The following MEIOB variants were observed in gnomAD, a reference collection of about 807,000 sequenced individuals.
MEIOB encodes meiosis specific with OB-fold.
Under a neutral mutation model 53.1 loss-of-function variants are expected in MEIOB, and 50 were observed. The ratio of observed to expected loss-of-function variants is 0.94; its 90% CI spans 0.75 to 1.19. The LOEUF (loss-of-function observed/expected upper bound fraction) is 1.19, where lower values mean the gene tolerates loss of function less well. Ranked by LOEUF, MEIOB falls within the 50% of genes most tolerant of loss-of-function variation. The pLI is 0.00. For synonymous variants in MEIOB, 192 were observed against 182.5 expected (o/e 1.05, Z -0.42); for missense variants, 551 against 550.8 (o/e 1.00, Z 0.00).
Position 1,862,115 on chromosome 16 carries a change from A to T in MEIOB, c.129T>A (p.Asn43Lys), listed in dbSNP as rs1899458881. The T allele has an allele frequency of 6.5e-7, 1 of 1,548,692 alleles. No homozygotes were observed. The highest frequency in any genetic ancestry group is 8.7e-7 in the Non-Finnish European group (1 of 1,145,840). ...TDVKGFPDRKNIGSERYTFSF... is the reference protein window; with the variant it reads ...TDVKGFPDRKKIGSERYTFSF... ...TGAAAGTGTACCTTTCTGATCCAAT[A>T]TCTAAGGGAAAACCAATGCTTTTAT... The change falls in exon 4 of 14, where the codon AAT becomes AAA. Residue 43 changes from asparagine (N) to lysine (K), a missense_variant and splice_region_variant. Coordinates refer to ENST00000325962, the MANE Select transcript of MEIOB (RefSeq NM_001163560.3).
At chr16:1,866,052 C>A (rs1002035766) in intron 2 of MEIOB, among the ~76,000 whole-genome samples, 1 of 152,160 alleles carries the variant, frequency 6.6e-6, no homozygotes, top group African/African-American at 2.4e-5. Flanking sequence ...ACTACTATTA[C>A]AAATATAATC....
At position 1,868,110 on chromosome 16, in the gene MEIOB, AT is replaced by A; in HGVS notation, c.65del (p.Asn22IlefsTer2). ...TCACCACATTATTGAAACCTACCAGATTAGCCATATTTGTCTGCAGATCTGA... is the reference window on the plus strand; with the variant it reads ...TCACCACATTATTGAAACCTACCAGATAGCCATATTTGTCTGCAGATCTGA... ...TLSDLQTNMA[N>X]LKVIGIVIGK... On this transcript the variant is annotated frameshift_variant, in exon 2 of 14. Transcript: ENST00000325962. LOFTEE classifies it high-confidence loss of function. The A allele has an allele frequency of 6.6e-7, 1 of 1,509,096 alleles. No homozygotes were observed. The highest frequency in any genetic ancestry group is 9.0e-7 in the Non-Finnish European group (1 of 1,111,990). The allele number at this position is 1,509,096 out of a possible 1,614,324, so 93.5% of individuals were successfully genotyped here. A position where few individuals can be genotyped will look rare whatever the true frequency, so the allele number is the denominator to read the frequency against.
chr16:1,862,777 G>A (rs943320829), intron 3 of MEIOB, among the ~76,000 whole-genome samples: 15 of 152,084 alleles, frequency 9.9e-5, no homozygotes, highest in Admixed American at 3.9e-4. Context: ...ACTTAGCCAG[G>A]CGTGGTGGTG....
intron 1 of MEIOB, among the ~76,000 whole-genome samples, chr16:1,870,164 G>A (rs1899704359): frequency 6.6e-6 from 1 of 152,182 alleles, no homozygotes; most frequent in Non-Finnish European, 1.5e-5. Context: ...GAGCCACTGA[G>A]CCCAGCCCGG....
At chr16:1,867,462 A>ATTTTTTTTTTT (rs869208139) in intron 2 of MEIOB, among the ~76,000 whole-genome samples, 2 of 102,930 alleles carry the variant, frequency 1.9e-5, no homozygotes, top group Non-Finnish European at 3.6e-5. Flanking sequence ...AAATGGTTTA[A>ATTTTTTTTTTT]TTTTTTTTTT....
At chr16:1,844,205 C>T (rs1898979503) in intron 10 of MEIOB, among the ~76,000 whole-genome samples, 2 of 151,100 alleles carry the variant, frequency 1.3e-5, no homozygotes, top group East Asian at 3.9e-4. Flanking sequence ...TCACTGCAAC[C>T]TCCGCCTCCT....
chr16:1,854,902 G>A (rs370412735), intron 6 of MEIOB, among the ~76,000 whole-genome samples: 3 of 151,794 alleles, frequency 2.0e-5, no homozygotes, highest in East Asian at 1.9e-4. Context: ...ATGTGGGAAC[G>A]GCAGGCACCT....
chr16:1,855,024 G>A (rs1261746616), intron 6 of MEIOB, among the ~76,000 whole-genome samples: 1 of 152,162 alleles, frequency 6.6e-6, no homozygotes, highest in Non-Finnish European at 1.5e-5. Flanking sequence ...GACAGCCAGA[G>A]GCTGAGAGGT....
intron 5 of MEIOB, among the ~76,000 whole-genome samples, chr16:1,858,521 C>T (rs1231894283): frequency 6.6e-6 from 1 of 152,160 alleles, no homozygotes; most frequent in African/African-American, 2.4e-5. Flanking sequence ...TCTCCCAAGC[C>T]ACTGCCTTGC....
intron 9 of MEIOB, among the ~76,000 whole-genome samples, chr16:1,850,529 T>C (rs1899141530): frequency 6.6e-6 from 1 of 151,588 alleles, no homozygotes; most frequent in African/African-American, 2.4e-5. Flanking sequence ...TGAGCCGAGA[T>C]TGTGCCACTG....
chr16:1,862,409 T>C (rs541640544), intron 3 of MEIOB, among the ~76,000 whole-genome samples: 236 of 152,326 alleles, frequency 1.5e-3, no homozygotes, highest in African/African-American at 5.5e-3. Context: ...ACATGTAAAC[T>C]TGAGCCATCC....
Position 1,834,292 on chromosome 16 carries a change from C to T in MEIOB, c.1380G>A (p.Glu460=). ...TTTGTCCAGACAAGTTTCTGCTTGCCTCAGTAGGATCTGCAAGCTTGCACG... is the reference window on the plus strand; with the variant it reads ...TTTGTCCAGACAAGTTTCTGCTTGCTTCAGTAGGATCTGCAAGCTTGCACG... The part of the protein sequence containing the change: ...VLSCKLADPT[E]ASRNLSGQKH... The change falls in exon 14 of 14, where the codon GAG becomes GAA. Residue 460 remains glutamate, a synonymous_variant. Coordinates refer to ENST00000325962, the MANE Select transcript of MEIOB (RefSeq NM_001163560.3). The T allele has an allele frequency of 1.2e-6, 2 of 1,612,574 alleles. No individual in the cohort carries two copies. Among genetic ancestry groups the T allele is most frequent in the Non-Finnish European group, 8.5e-7 (1 of 1,178,836 alleles).
rs1899413199 is a variant in MEIOB, at chr16:1,860,415, G to A, written c.320C>T (p.Pro107Leu). Residue 107 changes from proline (P) to leucine (L), a missense_variant, in exon 5 of 14, where the codon CCT becomes CTT. Physicochemically the swap from Pro to Leu is moderately conservative, Grantham distance 98. Transcript: ENST00000325962. ...GACAGATGCTTACCTAGGAGTTGCAGGGCTGAATTTTTCTTCTCTTTCTAT... is the reference window on the plus strand; with the variant it reads ...GACAGATGCTTACCTAGGAGTTGCAAGGCTGAATTTTTCTTCTCTTTCTAT... ...KEIEREEKFSPATPSNCKLLL... is the reference protein window; with the variant it reads ...KEIEREEKFSLATPSNCKLLL... The A allele has an allele frequency of 1.3e-6, 2 of 1,540,712 alleles. No homozygotes were observed. Among genetic ancestry groups the A allele is most frequent in the Non-Finnish European group, 8.8e-7 (1 of 1,137,488 alleles).
intron 9 of MEIOB, among the ~76,000 whole-genome samples, chr16:1,852,368 T>A (rs960843135): frequency 1.1e-4 from 17 of 150,346 alleles, no homozygotes; most frequent in African/African-American, 3.7e-4. Context: ...GTTGAAGTGA[T>A]TCTCCTGCCT....
chr16:1,840,864 TATAC>T (rs1898887684), intron 11 of MEIOB, among the ~76,000 whole-genome samples: 1 of 151,978 alleles, frequency 6.6e-6, no homozygotes, highest in South Asian at 2.1e-4. Context: ...TATTATTTCT[TATAC>T]ATCCATGTGA....
At chr16:1,859,763 T>A (rs1393712572) in intron 5 of MEIOB, among the ~76,000 whole-genome samples, 8 of 151,798 alleles carry the variant, frequency 5.3e-5, no homozygotes, top group Non-Finnish European at 1.2e-4. Context: ...CTTTACAGGC[T>A]GGTACAGGGC....
chr16:1,845,639 T>C (rs1899010468), intron 9 of MEIOB, among the ~76,000 whole-genome samples: 1 of 152,184 alleles, frequency 6.6e-6, no homozygotes. Context: ...TTTCTATATA[T>C]TTTTTCTGAA....
chr16:1,834,296 G>A lies in MEIOB; in HGVS notation c.1376C>T (p.Thr459Ile). 1 of 1,612,750 alleles carries A rather than the reference G, an allele frequency of 6.2e-7. No individual in the cohort carries two copies. The highest frequency in any genetic ancestry group is 8.5e-7 in the Non-Finnish European group (1 of 1,178,970). The change falls in exon 14 of 14, where the codon ACT becomes ATT. Residue 459 changes from threonine (T) to isoleucine (I), a missense_variant. Transcript: ENST00000325962. ...SVLSCKLADP[T>I]EASRNLSGQK... ...TCCAGACAAGTTTCTGCTTGCCTCA[G>A]TAGGATCTGCAAGCTTGCACGAGAG... is the stretch of plus-strand genomic sequence containing the variant.
At chr16:1,870,242 G>A (rs949792256) in intron 1 of MEIOB, among the ~76,000 whole-genome samples, 4 of 152,186 alleles carry the variant, frequency 2.6e-5, no homozygotes, top group East Asian at 1.9e-4. Flanking sequence ...GGCATCTTAC[G>A]TATTTTTATG....
Sources: allele counts gnomAD v4.1 joint callset (sites outside exome capture counted in the v4.1 genomes callset), GRCh38; gene constraint gnomAD v4.1.1; transcripts MANE v1.5; gene names NCBI Gene and HGNC (gene_info 2026-07-23, HGNC 2026-07-21).